Variants in SBF2 observed in about 807,000 individuals in gnomAD.
The protein encoded by SBF2 is myotubularin-related protein 13.
A neutral mutation model predicts 225.2 loss-of-function variants in SBF2; 112 were observed. The observed-to-expected ratio is 0.50, with a 90% CI of 0.43 to 0.58. The LOEUF (loss-of-function observed/expected upper bound fraction) is 0.58. Among genes scored for constraint, SBF2 ranks in the 20% least tolerant of loss-of-function variants. SBF2 has a pLI of 0.00. For missense variants in SBF2, 1,996 were observed against 2,206.2 expected (o/e 0.90, Z 1.91); for synonymous variants, 763 against 773.3 (o/e 0.99, Z 0.22).
chr11:9,856,777 A>T lies in SBF2; in HGVS notation c.2101-57T>A, dbSNP rs1414710025. 2.6e-6 allele frequency: 4 copies of T among 1,563,394 alleles called. No homozygotes were observed. The African/African-American group carries it at 5.6e-5, about 22-fold the overall frequency. ...AACCATCACTTCAGGTGAGCTTAAA[A>T]AACATAGATTTTTTTTTTTTTTTTT... is the stretch of plus-strand genomic sequence containing the variant. On this transcript the variant is annotated intron_variant, in intron 18 of 39. Transcript: ENST00000256190.
intron 34 of SBF2, 130 bp downstream of exon 34, chr11:9,790,426 G>A: frequency 1.3e-6 from 1 of 749,976 alleles, no homozygotes; most frequent in Non-Finnish European, 2.1e-6. Context: ...CTCAAACTTT[G>A]AAATAGCTTT....
intron 2 of SBF2, among the ~76,000 whole-genome samples, chr11:10,055,669 G>A (rs1443358808): frequency 6.6e-6 from 1 of 151,924 alleles, no homozygotes; most frequent in African/African-American, 2.4e-5. Flanking sequence ...AAACAACTCA[G>A]GAATGGAAAA....
intron 16 of SBF2, among the ~76,000 whole-genome samples, chr11:9,913,228 T>G (rs1862794044): frequency 6.6e-6 from 1 of 152,096 alleles, no homozygotes; most frequent in East Asian, 1.9e-4. Context: ...TGGGCTGAGA[T>G]CGCGCCACTG....
At chr11:10,121,232 T>C (rs901610342) in intron 2 of SBF2, among the ~76,000 whole-genome samples, 1 of 152,188 alleles carries the variant, frequency 6.6e-6, no homozygotes, top group Non-Finnish European at 1.5e-5. Context: ...AGATAATGCA[T>C]AGATAGGTAA....
At chr11:10,011,643 G>T (rs2134556238) in intron 6 of SBF2, among the ~76,000 whole-genome samples, 1 of 152,258 alleles carries the variant, frequency 6.6e-6, no homozygotes, top group Non-Finnish European at 1.5e-5. Flanking sequence ...TTCTTGTTTG[G>T]TATTTTTTTC....
intron 2 of SBF2, among the ~76,000 whole-genome samples, chr11:10,108,985 T>C (rs1250888510): frequency 6.6e-6 from 1 of 152,140 alleles, no homozygotes; most frequent in Non-Finnish European, 1.5e-5. Flanking sequence ...GAGGAAAAGT[T>C]AGAAGAAAGA....
intron 30 of SBF2, among the ~76,000 whole-genome samples, chr11:9,809,575 C>T (rs1431482524): frequency 3.5e-5 from 5 of 142,868 alleles, no homozygotes; most frequent in African/African-American, 1.3e-4. Context: ...GACAAAGTCT[C>T]GCTCTGTCAC....
chr11:9,838,375 C>A (rs1855872469), intron 26 of SBF2: 1 of 151,966 alleles, frequency 6.6e-6, no homozygotes, highest in South Asian at 2.1e-4. Flanking sequence ...AGTCTGTTTT[C>A]TCAATGGCTG....
At chr11:10,146,695 A>G (rs2135155438) in intron 2 of SBF2, among the ~76,000 whole-genome samples, 1 of 152,312 alleles carries the variant, frequency 6.6e-6, no homozygotes, top group South Asian at 2.1e-4. Context: ...GCCAAAAGCA[A>G]TTGCAACAAA....
chr11:9,790,803 C>T (rs1590090847), intron 33 of SBF2, 120 bp from the exon 34 acceptor site: 1 of 762,218 alleles, frequency 1.3e-6, no homozygotes, highest in South Asian at 1.6e-5. Flanking sequence ...AAAACAGCAA[C>T]ATTTGTGTGA....
At chr11:9,904,973 G>T (rs997670927) in intron 16 of SBF2, among the ~76,000 whole-genome samples, 3 of 152,218 alleles carry the variant, frequency 2.0e-5, no homozygotes, top group African/African-American at 7.2e-5. Context: ...AGTGAGCCAT[G>T]ATTGTATCAC....
chr11:9,853,861 A>G, intron 19 of SBF2, 149 bp from the exon 20 acceptor site: 1 of 770,622 alleles, frequency 1.3e-6, no homozygotes, highest in African/African-American at 1.7e-5. Context: ...CTCCTTGGTA[A>G]GTGATGGTGA....
At chr11:10,037,219 G>A (rs2134660077) in intron 3 of SBF2, among the ~76,000 whole-genome samples, 1 of 152,184 alleles carries the variant, frequency 6.6e-6, no homozygotes, top group East Asian at 1.9e-4. Flanking sequence ...GATACTCTAA[G>A]GAGAATCCCA....
intron 30 of SBF2, chr11:9,810,882 A>T (rs1406552914): frequency 6.6e-6 from 1 of 152,234 alleles, no homozygotes; most frequent in Non-Finnish European, 1.5e-5. Context: ...AAGGAATATA[A>T]ATTGTTCTAC....
At chr11:10,233,669 T>C (rs568632874) in intron 1 of SBF2, among the ~76,000 whole-genome samples, 2 of 151,610 alleles carry the variant, frequency 1.3e-5, no homozygotes, top group African/African-American at 2.4e-5. Context: ...GCCACTCAGA[T>C]CTCCTTTCAA....
intron 26 of SBF2, 94 bp downstream of exon 26, chr11:9,839,404 C>T: frequency 1.6e-6 from 2 of 1,236,248 alleles, no homozygotes; most frequent in East Asian, 4.6e-5. Flanking sequence ...GCATTTTTAT[C>T]TATCTCAGGG....
At chr11:9,940,430 T>C (rs1247954866) in intron 16 of SBF2, among the ~76,000 whole-genome samples, 1 of 152,100 alleles carries the variant, frequency 6.6e-6, no homozygotes, top group African/African-American at 2.4e-5. Flanking sequence ...TTAAAGTACA[T>C]ACTATGCTAA....
At chr11:10,132,359 C>T (rs1954099863) in intron 2 of SBF2, among the ~76,000 whole-genome samples, 1 of 152,144 alleles carries the variant, frequency 6.6e-6, no homozygotes, top group African/African-American at 2.4e-5. Context: ...TCACTGACTT[C>T]AAGAATGAAG....
intron 2 of SBF2, among the ~76,000 whole-genome samples, chr11:10,082,054 AACTGAT>A (rs1181770622): frequency 6.6e-6 from 1 of 152,166 alleles, no homozygotes; most frequent in Non-Finnish European, 1.5e-5. Flanking sequence ...GAGACATTGC[AACTGAT>A]ACCACAGAAA....
Sources: gnomAD v4.1 joint callset for allele counts (sites outside exome capture counted in the v4.1 genomes callset) on GRCh38, gnomAD v4.1.1 for gene constraint, MANE v1.5 for transcripts, NCBI Gene and HGNC (gene_info 2026-07-23, HGNC 2026-07-21) for gene names.